Variants in SULT1C2 observed in about 807,000 individuals in gnomAD.
SULT1C2 encodes the protein sulfotransferase family 1C member 2, also known as sulfotransferase 1C2.
A neutral mutation model predicts 36.0 loss-of-function variants in SULT1C2; 27 were observed. The ratio of observed to expected loss-of-function variants is 0.75; its 90% CI spans 0.55 to 1.03. The LOEUF is 1.03. Ranked by LOEUF, SULT1C2 falls within the 50% of genes least tolerant of loss-of-function variation. The pLI, the probability that SULT1C2 is intolerant of heterozygous loss-of-function variation, is 0.00. For missense variants in SULT1C2, 395 were observed against 359.2 expected, an observed-to-expected ratio of 1.10 and a Z score of -0.80; for synonymous variants, 121 against 116.0, an observed-to-expected ratio of 1.04 and a Z score of -0.27.
intron 1 of SULT1C2, among the ~76,000 whole-genome samples, chr2:108,292,620 A>C (rs1251068948): frequency 6.6e-6 from 1 of 152,174 alleles, no homozygotes; most frequent in African/African-American, 2.4e-5. Flanking sequence ...AAACACAAGA[A>C]ACAACAAGTG....
intron 3 of SULT1C2, chr2:108,298,914 C>G (rs1676805776): frequency 6.2e-6 from 1 of 162,302 alleles, no homozygotes; most frequent in Non-Finnish European, 1.3e-5. Context: ...CTGGTCCAAG[C>G]TGGTAGTATA....
rs1451646312 is a variant in SULT1C2 at position 108,296,168 on chromosome 2, TAAAG to T, written c.277+1820_277+1823del. 2.6e-5 allele frequency among the ~76,000 whole-genome samples: 4 copies of T among 152,242 alleles called. No individual in the cohort carries two copies. The South Asian group carries it at 6.2e-4, about 24-fold the overall frequency. ...TCTTACCTCTGGCAATTTGAGAGATTAAAGAAAGAGGAGAGGCCTAAGCAAGATT... is the reference window on the plus strand; with the variant it reads ...TCTTACCTCTGGCAATTTGAGAGATTAAAGAGGAGAGGCCTAAGCAAGATT... On this transcript the variant is annotated intron_variant, in intron 3 of 7. Coordinates refer to ENST00000251481, the MANE Select transcript of SULT1C2 (RefSeq NM_001056.4).
At chr2:108,294,458 C>CT (rs59819649) in intron 3 of SULT1C2, 104 bp downstream of exon 3, 15 of 1,091,152 alleles carry the variant, frequency 1.4e-5, no homozygotes, top group Non-Finnish European at 1.7e-5. Flanking sequence ...CTCTCTCTCC[C>CT]CCATCTCTCC....
chr2:108,291,563 G>A (rs1676591010), intron 1 of SULT1C2, among the ~76,000 whole-genome samples: 1 of 151,922 alleles, frequency 6.6e-6, no homozygotes, highest in South Asian at 2.1e-4. Flanking sequence ...TTGTACATTT[G>A]GACTGTTTCC....
chr2:108,304,852 G>C (rs1676982258), intron 5 of SULT1C2, 152 bp downstream of exon 5: 2 of 1,056,060 alleles, frequency 1.9e-6, no homozygotes, highest in Admixed American at 5.4e-5. Context: ...TGGCCACTGA[G>C]TGTATGCCCA....
Position 108,305,439 on chromosome 2 carries a change from G to A in SULT1C2, c.622G>A (p.Val208Met), listed in dbSNP as rs1387047237. The change falls in exon 7 of 8, where the codon GTG becomes ATG. Residue 208 changes from valine (V) to methionine (M), a missense_variant. Val to Met is a conservative substitution (Grantham distance 21, BLOSUM62 1). Coordinates refer to ENST00000251481, the MANE Select transcript of SULT1C2 (RefSeq NM_001056.4). ...GGACCCAAAGCATGAAATTCGGAAG[G>A]TGATGCAGTTCATGGGAAAGAAGGT... Reference protein sequence around the residue: ...KRDPKHEIRKVMQFMGKKVDE... With the variant: ...KRDPKHEIRKMMQFMGKKVDE... 1.4e-5 allele frequency: 22 copies of A among 1,614,012 alleles called. No homozygotes were observed. Among genetic ancestry groups the A allele is most frequent in the Non-Finnish European group, 1.8e-5 (21 of 1,180,006 alleles).
chr2:108,297,383 G>A (rs1676760309), intron 3 of SULT1C2, among the ~76,000 whole-genome samples: 1 of 152,190 alleles, frequency 6.6e-6, no homozygotes, highest in South Asian at 2.1e-4. Flanking sequence ...CAAGAAACAA[G>A]TTCTGTTTAA....
chr2:108,308,632 A>G lies in SULT1C2; in HGVS notation c.*168A>G. On this transcript the variant is annotated 3_prime_UTR_variant, in exon 8 of 8. Coordinates refer to ENST00000251481, the MANE Select transcript of SULT1C2 (RefSeq NM_001056.4). Reference sequence around the variant, plus strand: ...TATGTCACCACTTCATTTTTTAAAAAGGATCACGTCTAATGCCCATTTTCC... The same window carrying G: ...TATGTCACCACTTCATTTTTTAAAAGGGATCACGTCTAATGCCCATTTTCC... 1.8e-6 allele frequency: 1 copy of G among 559,906 alleles called. No individual in the cohort carries two copies. The highest frequency in any genetic ancestry group is 3.0e-6 in the Non-Finnish European group (1 of 332,630). 34.7% of individuals were successfully genotyped at this position (559,906 alleles called of 1,614,324 possible).
intron 1 of SULT1C2, 115 bp downstream of exon 1, chr2:108,289,185 A>C (rs2104408649): frequency 6.5e-6 from 1 of 152,792 alleles, no homozygotes; most frequent in Non-Finnish European, 1.5e-5. Flanking sequence ...AAAGATCCTA[A>C]GAATCTGATA....
Position 108,294,347 on chromosome 2 carries a change from A to G in SULT1C2, c.270A>G (p.Gln90=). The G allele has an allele frequency of 6.2e-7, 1 of 1,604,974 alleles. No homozygotes were observed. Among genetic ancestry groups the G allele is most frequent in the Non-Finnish European group, 8.5e-7 (1 of 1,175,664 alleles). Residue 90 remains glutamine (Q), a synonymous_variant, in exon 3 of 8, where the codon CAA becomes CAG. Transcript: ENST00000251481. Reference sequence around the variant, plus strand: ...TCATTGAGTGGGCTCGGCCACCCCAACCTTCTGGTGAGAGCACCTCCCTCT... The same window carrying G: ...TCATTGAGTGGGCTCGGCCACCCCAGCCTTCTGGTGAGAGCACCTCCCTCT... The part of the protein sequence containing the change: ...HPFIEWARPP[Q]PSGVEKAKAM...
intron 3 of SULT1C2, among the ~76,000 whole-genome samples, chr2:108,295,162 G>A (rs925837416): frequency 2.0e-5 from 3 of 152,232 alleles, no homozygotes; most frequent in Admixed American, 6.5e-5. Context: ...CTGATCTGAT[G>A]CATACAAGAC....
At chr2:108,293,230 A>T (rs1278473214) in intron 1 of SULT1C2, among the ~76,000 whole-genome samples, 3 of 151,448 alleles carry the variant, frequency 2.0e-5, no homozygotes, top group Admixed American at 6.6e-5. Flanking sequence ...ACAGTGAACT[A>T]GGGAAGGAAA....
intron 7 of SULT1C2, 76 bp from the exon 8 acceptor site, chr2:108,308,276 G>A: frequency 1.5e-6 from 2 of 1,347,018 alleles, no homozygotes; most frequent in Non-Finnish European, 2.1e-6. Context: ...TTCAGTATGG[G>A]CACTACACCA....
In SULT1C2 at chr2:108,293,535, T is replaced by C. The variant is rs547757028; in HGVS notation, c.-21-112T>C. The C allele has an allele frequency of 3.3e-3, 3,166 of 971,210 alleles. 19 individuals carry two copies. Among genetic ancestry groups the C allele is most frequent in the Non-Finnish European group, 3.0e-3 (2,097 of 702,938 alleles). The allele number at this position is 971,210 out of a possible 1,614,324, so 60.2% of individuals were successfully genotyped here. On this transcript the variant is annotated intron_variant, in intron 1 of 7. Transcript: ENST00000251481. ...TATAATGGTTGCACAACAATGTGAA[T>C]GTACTTAATGCCTCTGAACTGTACA...
In SULT1C2 at chr2:108,305,182, T is replaced by C. The variant is rs1480474361; in HGVS notation, c.513T>C (p.Gly171=). The C allele has an allele frequency of 1.2e-6, 2 of 1,614,170 alleles. No individual in the cohort carries two copies. Among genetic ancestry groups the C allele is most frequent in the Non-Finnish European group, 1.7e-6 (2 of 1,180,034 alleles). Residue 171 remains glycine (G), a synonymous_variant, in exon 6 of 8, where the codon GGT becomes GGC. Transcript: ENST00000251481. ...CTGTGTCTATTTCAGTGGTTTGGGG[T>C]TCCTGGTTTGACCACGTGAAAGGAT... is the stretch of plus-strand genomic sequence containing the variant. ...ETFINGKVVW[G]SWFDHVKGWW...
chr2:108,293,709 A>G lies in SULT1C2; in HGVS notation c.42A>G (p.Lys14=), dbSNP rs1461878943. The G allele has an allele frequency of 1.2e-6, 2 of 1,613,994 alleles. No homozygotes were observed. Among genetic ancestry groups the G allele is most frequent in the African/African-American group, 2.7e-5 (2 of 74,920 alleles). Residue 14 remains lysine, a synonymous_variant, in exon 2 of 8, where the codon AAA becomes AAG. Coordinates refer to ENST00000251481, the MANE Select transcript of SULT1C2 (RefSeq NM_001056.4). ...ACCTGGGGAAACAGATAAAACTGAA[A>G]GAGGTGGAGGGGACCCTCCTGCAGC... ...TSDLGKQIKL[K]EVEGTLLQPA...
At chr2:108,297,683 T>C (rs549432585) in intron 3 of SULT1C2, among the ~76,000 whole-genome samples, 112 of 152,016 alleles carry the variant, frequency 7.4e-4, no homozygotes, top group Non-Finnish European at 1.4e-3. Flanking sequence ...TCTGAATCAT[T>C]GATGAGAGAG....
Position 108,305,927 on chromosome 2 carries a change from G to A in SULT1C2, c.778+332G>A, listed in dbSNP as rs186922988. Among the ~76,000 whole-genome samples the A allele has an allele frequency of 5.1e-4, 78 of 152,328 alleles. 2 individuals carry two copies. The highest frequency in any genetic ancestry group is 6.6e-4 in the Non-Finnish European group (45 of 68,028). On this transcript the variant is annotated intron_variant, in intron 7 of 7. Coordinates refer to ENST00000251481, the MANE Select transcript of SULT1C2 (RefSeq NM_001056.4). The stretch of plus-strand genomic sequence containing the variant: ...CACTGGTCCAGACCTCCCAGGGGCC[G>A]CTGGATCTCAGGGTCCAGGACTCAG...
Position 108,300,686 on chromosome 2 carries a change from T to C in SULT1C2, c.278-152T>C, listed in dbSNP as rs1676846864. On this transcript the variant is annotated intron_variant, in intron 3 of 7. Transcript: ENST00000251481. ...TGTGATTTTACAAAAATGAAAATTA[T>C]ATTAATAATCCCATTGTAAAATCCC... is the stretch of plus-strand genomic sequence containing the variant. 7.7e-6 allele frequency: 10 copies of C among 1,290,776 alleles called. No homozygotes were observed. In the Admixed American group the frequency reaches 3.2e-4, roughly 41 times the overall value. The allele number at this position is 1,290,776 out of a possible 1,614,324, so 80.0% of individuals were successfully genotyped here. A position where few individuals can be genotyped will look rare whatever the true frequency, so the allele number is the denominator to read the frequency against.
Sources: allele counts gnomAD v4.1 joint callset (sites outside exome capture counted in the v4.1 genomes callset), GRCh38; gene constraint gnomAD v4.1.1; transcripts MANE v1.5; gene names NCBI Gene and HGNC (gene_info 2026-07-23, HGNC 2026-07-21).